The following DGKB variants were observed in gnomAD, a reference collection of about 807,000 sequenced individuals.
DGKB encodes the protein diacylglycerol kinase beta.
In DGKB, 67 loss-of-function variants were observed where a neutral mutation model predicts 114.3. The observed-to-expected ratio is 0.59, with a 90% CI of 0.48 to 0.72. The LOEUF (loss-of-function observed/expected upper bound fraction) is 0.72, where lower values mean the gene tolerates loss of function less well. Among genes scored for constraint, DGKB ranks in the 30% least tolerant of loss-of-function variants. DGKB has a pLI of 0.00. For synonymous variants in DGKB, 398 were observed against 323.1 expected, an observed-to-expected ratio of 1.23 and a Z score of -2.49; for missense variants, 907 against 975.2, an observed-to-expected ratio of 0.93 and a Z score of 0.93.
intron 2 of DGKB, among the ~76,000 whole-genome samples, chr7:14,822,822 C>T (rs1845128721): frequency 6.6e-6 from 1 of 152,044 alleles, no homozygotes; most frequent in Non-Finnish European, 1.5e-5. Context: ...ATTGTTCTAA[C>T]AAACACAAAA....
intron 1 of DGKB, among the ~76,000 whole-genome samples, chr7:14,844,270 A>G (rs1310483785): frequency 6.6e-6 from 1 of 152,148 alleles, no homozygotes; most frequent in Admixed American, 6.5e-5. Flanking sequence ...TTGGCTGCAA[A>G]CCCAGAAGTT....
At position 14,580,871 on chromosome 7, in the gene DGKB, A is replaced by G. The variant is rs767322992; in HGVS notation, c.1600T>C (p.Trp534Arg). ...GTTGCAGCTGCTTTACCTCCTCCCC[A>G]TCGCAGGCATCTTGCTAGATCATTG... ...TGNDLARCLR[W>R]GGGYEGENLM... The change falls in exon 19 of 26, where the codon TGG becomes CGG. Residue 534 changes from tryptophan to arginine, a missense_variant. Coordinates refer to ENST00000402815, the MANE Select transcript of DGKB (RefSeq NM_001350709.2). The G allele has an allele frequency of 6.2e-7, 1 of 1,603,326 alleles. No individual in the cohort carries two copies.
chr7:14,349,958 C>T (rs1813147335), intron 21 of DGKB, among the ~76,000 whole-genome samples: 1 of 152,060 alleles, frequency 6.6e-6, no homozygotes, highest in African/African-American at 2.4e-5. Context: ...TTTTGTGACT[C>T]CAAGGAAAGT....
intron 6 of DGKB, among the ~76,000 whole-genome samples, chr7:14,714,715 A>G (rs975790293): frequency 1.3e-5 from 2 of 152,186 alleles, no homozygotes; most frequent in African/African-American, 2.4e-5. Flanking sequence ...GAGTAGAGCT[A>G]TAACCCAAAG....
intron 20 of DGKB, among the ~76,000 whole-genome samples, chr7:14,485,912 G>T (rs189360110): frequency 6.6e-6 from 1 of 151,476 alleles, no homozygotes; most frequent in Admixed American, 6.6e-5. Flanking sequence ...AAAAAATAGG[G>T]ACACCTTTGT....
intron 13 of DGKB, among the ~76,000 whole-genome samples, chr7:14,646,899 C>A (rs1239523085): frequency 1.3e-5 from 2 of 151,652 alleles, no homozygotes; most frequent in Non-Finnish European, 2.9e-5. Flanking sequence ...AACAACCTAA[C>A]AATACACCTC....
rs781569705 is a variant in DGKB, at chr7:14,265,318, C to CTTTTTTTTTTTTTTTTTTT, written c.2122+73178_2122+73196dup. Among the ~76,000 whole-genome samples, 64 of 67,736 alleles carry CTTTTTTTTTTTTTTTTTTT rather than the reference C, an allele frequency of 9.4e-4. 8 individuals are homozygous for CTTTTTTTTTTTTTTTTTTT. Among genetic ancestry groups the CTTTTTTTTTTTTTTTTTTT allele is most frequent in the East Asian group, 2.2e-3 (3 of 1,362 alleles). The allele number at this position is 67,736 out of a possible 152,430, so 44.4% of individuals were successfully genotyped here. On this transcript the variant is annotated intron_variant, in intron 23 of 25. Transcript: ENST00000402815. The stretch of plus-strand genomic sequence containing the variant: ...GGACTGCTGTCTTTTCTCTTGCATT[C>CTTTTTTTTTTTTTTTTTTT]TTTTTTTTTTTTTTTTTTTTGCTTA...
At chr7:14,701,782 T>A in intron 6 of DGKB, 52 bp from the exon 7 acceptor site, 1 of 1,261,438 alleles carries the variant, frequency 7.9e-7, no homozygotes, top group Non-Finnish European at 1.2e-6. Context: ...AAGATCAATG[T>A]TAGTTTAAAG....
intron 13 of DGKB, among the ~76,000 whole-genome samples, chr7:14,653,578 C>T (rs532082358): frequency 1.4e-4 from 22 of 151,770 alleles, no homozygotes; most frequent in African/African-American, 3.4e-4. Flanking sequence ...GTGGGTTCAG[C>T]GCACCAGCAT....
chr7:14,210,294 C>G (rs896146501), intron 23 of DGKB, among the ~76,000 whole-genome samples: 5 of 152,058 alleles, frequency 3.3e-5, no homozygotes, highest in Non-Finnish European at 7.4e-5. Context: ...ATGCCTGACT[C>G]TTTAACTCAA....
At chr7:14,311,042 C>A (rs80116476) in intron 23 of DGKB, among the ~76,000 whole-genome samples, 4,120 of 152,094 alleles carry the variant, frequency 0.027, 117 homozygotes, top group East Asian at 0.074. Context: ...GTGGGAGGAT[C>A]ACTTAAGCCC....
chr7:14,930,899 A>C (rs1247953250), intron 1 of DGKB, among the ~76,000 whole-genome samples: 1 of 151,920 alleles, frequency 6.6e-6, no homozygotes, highest in Non-Finnish European at 1.5e-5. Context: ...TGGTTTGTTG[A>C]GTATTTTTAT....
intron 23 of DGKB, among the ~76,000 whole-genome samples, chr7:14,327,677 G>A (rs1808985502): frequency 6.6e-6 from 1 of 152,056 alleles, no homozygotes; most frequent in East Asian, 1.9e-4. Flanking sequence ...AGTAAAAGAT[G>A]CATTGACTCC....
At chr7:14,201,330 A>G (rs1785842267) in intron 23 of DGKB, among the ~76,000 whole-genome samples, 1 of 151,998 alleles carries the variant, frequency 6.6e-6, no homozygotes, top group African/African-American at 2.4e-5. Context: ...GAATTTCAAT[A>G]TATGAATTTT....
chr7:14,280,903 A>T (rs1258164254), intron 23 of DGKB, among the ~76,000 whole-genome samples: 2 of 152,000 alleles, frequency 1.3e-5, no homozygotes, highest in Non-Finnish European at 2.9e-5. Flanking sequence ...CCACTGCAAA[A>T]TCATGCCAAA....
At chr7:14,494,030 T>A (rs999207443) in intron 20 of DGKB, among the ~76,000 whole-genome samples, 1 of 151,602 alleles carries the variant, frequency 6.6e-6, no homozygotes, top group Non-Finnish European at 1.5e-5. Flanking sequence ...CAATATAAAA[T>A]CTATAATTAC....
chr7:14,505,825 C>G (rs533014173), intron 20 of DGKB, among the ~76,000 whole-genome samples: 31 of 152,290 alleles, frequency 2.0e-4, no homozygotes, highest in African/African-American at 6.5e-4. Flanking sequence ...ATTCTCTTTC[C>G]CTTTCCTTGA....
intron 1 of DGKB, among the ~76,000 whole-genome samples, chr7:14,846,413 C>G (rs1020093988): frequency 1.3e-5 from 2 of 152,114 alleles, no homozygotes; most frequent in Non-Finnish European, 2.9e-5. Flanking sequence ...TTTTTACTAG[C>G]TGAACTGGCA....
At chr7:14,496,128 T>A (rs1785273881) in intron 20 of DGKB, among the ~76,000 whole-genome samples, 1 of 151,852 alleles carries the variant, frequency 6.6e-6, no homozygotes, top group African/African-American at 2.4e-5. Context: ...TTTTAAAAAA[T>A]TTACGGAAGT....
Sources: allele counts gnomAD v4.1 joint callset (sites outside exome capture counted in the v4.1 genomes callset), GRCh38; gene constraint gnomAD v4.1.1; transcripts MANE v1.5; gene names NCBI Gene and HGNC (gene_info 2026-07-23, HGNC 2026-07-21).